The following GAPVD1 variants were observed in gnomAD, a reference collection of about 807,000 sequenced individuals.
The protein encoded by GAPVD1 is GTPase activating protein and VPS9 domains 1.
A neutral mutation model predicts 155.5 loss-of-function variants in GAPVD1; 35 were observed. That is an observed-to-expected ratio of 0.23 (90% CI 0.17 to 0.30). GAPVD1 has a LOEUF of 0.30. GAPVD1 is among the 10% of genes least tolerant of loss of function. The probability of loss-of-function intolerance (pLI) is 1.00; values close to 1 mark genes in which losing one functional copy is unlikely to be tolerated. For synonymous variants in GAPVD1, 636 were observed against 619.7 expected, an observed-to-expected ratio of 1.03 and a Z score of -0.39; for missense variants, 1,429 against 1,775.7, an observed-to-expected ratio of 0.80 and a Z score of 3.51.
chr9:125,308,624 A>G (rs766690551), intron 8 of GAPVD1: 1 of 152,132 alleles, frequency 6.6e-6, no homozygotes, highest in Non-Finnish European at 1.5e-5. Context: ...ATCTGTCTAT[A>G]AAAAAATTAA....
At chr9:125,357,493 C>A (rs1376928610) in intron 25 of GAPVD1, among the ~76,000 whole-genome samples, 1 of 152,062 alleles carries the variant, frequency 6.6e-6, no homozygotes, top group Non-Finnish European at 1.5e-5. Flanking sequence ...TAGGGAGGAT[C>A]ACTTGAACAC....
Position 125,293,860 on chromosome 9 carries a change from A to ATAAATATAT in GAPVD1, c.-149-1596_-149-1595insAATATATTA, listed in dbSNP as rs1199282019. Among the ~76,000 whole-genome samples, 19 of 10,612 alleles carry ATAAATATAT rather than the reference A, an allele frequency of 1.8e-3. No individual in the cohort carries two copies. The African/African-American group carries it at 0.018, about 10-fold the overall frequency. The allele number at this position is 10,612 out of a possible 152,430, so 7.0% of individuals were successfully genotyped here. A position where few individuals can be genotyped will look rare whatever the true frequency, so the allele number is the denominator to read the frequency against. On this transcript the variant is annotated intron_variant, in intron 2 of 27. Coordinates refer to ENST00000297933, the MANE Select transcript of GAPVD1 (RefSeq NM_001282680.3). ...ATATATAAAAATATATTTTATATAT[A>ATAAATATAT]TATATATATATATATATATATATAT...
In GAPVD1 at chr9:125,332,070, T is replaced by C. The variant is rs948420359; in HGVS notation, c.2308+10T>C. On this transcript the variant is annotated intron_variant, in intron 14 of 27. Coordinates refer to ENST00000297933, the MANE Select transcript of GAPVD1 (RefSeq NM_001282680.3). ...CTCAGTGTTGTGTCCGGTATGTCTG[T>C]CTTGTTTTAAGGAGTAGGGATTTGA... The C allele has an allele frequency of 4.3e-6, 7 of 1,613,640 alleles. No homozygotes were observed. The highest frequency in any genetic ancestry group is 1.3e-5 in the African/African-American group (1 of 74,916).
chr9:125,353,753 TTA>T (rs1849636988), intron 23 of GAPVD1, among the ~76,000 whole-genome samples: 1 of 152,162 alleles, frequency 6.6e-6, no homozygotes. Flanking sequence ...CTCTTGAGAC[TTA>T]GTATCACGAG....
At chr9:125,344,264 G>T (rs1848228730) in intron 19 of GAPVD1, among the ~76,000 whole-genome samples, 1 of 151,980 alleles carries the variant, frequency 6.6e-6, no homozygotes, top group African/African-American at 2.4e-5. Flanking sequence ...TTCCATATTT[G>T]TACGTGGCTT....
At chr9:125,285,203 A>G (rs762406601) in intron 2 of GAPVD1, among the ~76,000 whole-genome samples, 27 of 152,210 alleles carry the variant, frequency 1.8e-4, no homozygotes, top group Non-Finnish European at 3.8e-4. Flanking sequence ...ACAAGTGAGT[A>G]TGGCTTCATT....
rs549231007 is a variant in GAPVD1 at position 125,273,398 on chromosome 9, T to G, written c.-150+4414T>G. 5.3e-5 allele frequency among the ~76,000 whole-genome samples: 8 copies of G among 152,272 alleles called. No individual in the cohort carries two copies. The South Asian group carries it at 1.7e-3, about 32-fold the overall frequency. On this transcript the variant is annotated intron_variant, in intron 2 of 27. Coordinates refer to ENST00000297933, the MANE Select transcript of GAPVD1 (RefSeq NM_001282680.3). The stretch of plus-strand genomic sequence containing the variant: ...TTGTGGCACTTAAAAATTTTCTCAT[T>G]TTTACAGAATTTGTCTTGTCTTGAG...
chr9:125,339,701 A>G (rs528564354), intron 17 of GAPVD1, among the ~76,000 whole-genome samples: 3 of 152,330 alleles, frequency 2.0e-5, no homozygotes, highest in East Asian at 1.9e-4. Flanking sequence ...GACACATTCA[A>G]TTCTAGTCCA....
intron 22 of GAPVD1, 42 bp downstream of exon 22, chr9:125,350,446 G>T (rs1426571988): frequency 8.1e-7 from 1 of 1,242,178 alleles, no homozygotes; most frequent in African/African-American, 1.5e-5. Flanking sequence ...TATGTTTATG[G>T]GTTGCACCAT....
Position 125,337,375 on chromosome 9 carries a change from C to T in GAPVD1, c.2661C>T (p.Phe887=), listed in dbSNP as rs1350510857. 3.7e-6 allele frequency: 6 copies of T among 1,614,010 alleles called. No homozygotes were observed. The highest frequency in any genetic ancestry group is 5.1e-6 in the Non-Finnish European group (6 of 1,179,986). The change falls in exon 17 of 28, where the codon TTC becomes TTT. Residue 887 remains phenylalanine (F), a synonymous_variant. Coordinates refer to ENST00000297933, the MANE Select transcript of GAPVD1 (RefSeq NM_001282680.3). ...TAACTCCAGCTGAAATGGAGGCATTCAAGCAAAGGCATTCTTACCCTGAGA... is the reference window on the plus strand; with the variant it reads ...TAACTCCAGCTGAAATGGAGGCATTTAAGCAAAGGCATTCTTACCCTGAGA... ...HVLTPAEMEA[F]KQRHSYPERL... is the part of the protein sequence containing the mutation.
Position 125,263,525 on chromosome 9 carries a change from G to GT in GAPVD1, c.-199+1568dup, listed in dbSNP as rs1481409870. On this transcript the variant is annotated intron_variant, in intron 1 of 27. Transcript: ENST00000297933. ...ATTTATAAGTCTACTTAGAAGAACT[G>GT]TTGTTTTTTTTTTTTTGGTTGTAAG... 282 of 824,622 alleles carry GT rather than the reference G, an allele frequency of 3.4e-4. 1 individual carries two copies. The highest frequency in any genetic ancestry group is 2.4e-3 in the African/African-American group (140 of 57,450). The allele number at this position is 824,622 out of a possible 1,614,324, so 51.1% of individuals were successfully genotyped here.
chr9:125,336,656 A>G (rs1374715859), intron 15 of GAPVD1: 7 of 205,900 alleles, frequency 3.4e-5, no homozygotes, highest in East Asian at 2.9e-4. Flanking sequence ...CCTGCCCCCT[A>G]TATTTTCAGG....
rs780514249 is a variant in GAPVD1, at chr9:125,346,822, A to G, written c.3050A>G (p.Asp1017Gly). Residue 1017 changes from aspartate to glycine, a missense_variant, in exon 20 of 28, where the codon GAT (aspartate) becomes GGT (glycine). Transcript: ENST00000297933. ...GPDRFSTLTDDPSPRLSAQAQ... is the reference protein window; with the variant it reads ...GPDRFSTLTDGPSPRLSAQAQ... The stretch of plus-strand genomic sequence containing the variant: ...CTCACTCTCCTTTCCCTTGCAGATG[A>G]TCCCAGCCCTAGACTCAGTGCACAA... 6.2e-7 allele frequency: 1 copy of G among 1,613,744 alleles called. No homozygotes were observed. The highest frequency in any genetic ancestry group is 8.5e-7 in the Non-Finnish European group (1 of 1,179,632).
Position 125,355,864 on chromosome 9 carries a change from ACTT to A in GAPVD1, c.3971+10_3971+12del. 2.6e-6 allele frequency: 4 copies of A among 1,512,406 alleles called. No individual in the cohort carries two copies. The highest frequency in any genetic ancestry group is 3.7e-6 in the Non-Finnish European group (4 of 1,087,088). 93.7% of individuals were successfully genotyped at this position (1,512,406 alleles called of 1,614,324 possible). On this transcript the variant is annotated splice_region_variant and intron_variant, in intron 25 of 27. Coordinates refer to ENST00000297933, the MANE Select transcript of GAPVD1 (RefSeq NM_001282680.3). The stretch of plus-strand genomic sequence containing the variant: ...GGGACATACTTCGCGACCAGTAAGT[ACTT>A]CTATGTTGAGTGCCTATGTGGAACT...
At chr9:125,326,979 T>C (rs1422915273) in intron 12 of GAPVD1, among the ~76,000 whole-genome samples, 3 of 152,210 alleles carry the variant, frequency 2.0e-5, no homozygotes, top group African/African-American at 7.2e-5. Flanking sequence ...AAAATTCTTA[T>C]AGATTATAGC....
At chr9:125,264,752 G>T (rs1236612313) in intron 1 of GAPVD1, among the ~76,000 whole-genome samples, 1 of 149,820 alleles carries the variant, frequency 6.7e-6, no homozygotes, top group Non-Finnish European at 1.5e-5. Flanking sequence ...GGAGTCTCAG[G>T]CTGTCGCCCA....
intron 8 of GAPVD1, among the ~76,000 whole-genome samples, chr9:125,310,571 C>G (rs1447133718): frequency 6.9e-6 from 1 of 144,238 alleles, no homozygotes; most frequent in African/African-American, 2.6e-5. Context: ...CGGAGTCTAG[C>G]TCTTGTTGCC....
intron 6 of GAPVD1, 69 bp from the exon 7 acceptor site, chr9:125,307,344 C>A: frequency 9.0e-7 from 1 of 1,105,832 alleles, no homozygotes; most frequent in Non-Finnish European, 1.3e-6. Flanking sequence ...TGCTTGTCCA[C>A]CTTAATGAGA....
chr9:125,330,285 A>C, intron 13 of GAPVD1, 67 bp downstream of exon 13: 1 of 1,051,862 alleles, frequency 9.5e-7, no homozygotes, highest in East Asian at 2.6e-5. Flanking sequence ...AAGGTATCCC[A>C]ACTCTGTATT....
Sources: allele counts gnomAD v4.1 joint callset (sites outside exome capture counted in the v4.1 genomes callset), GRCh38; gene constraint gnomAD v4.1.1; transcripts MANE v1.5; gene names NCBI Gene and HGNC (gene_info 2026-07-23, HGNC 2026-07-21).